The following TAS2R1 variants were observed in gnomAD, a reference collection of about 807,000 sequenced individuals.
TAS2R1 encodes the protein taste 2 receptor member 1.
For synonymous variants in TAS2R1, 141 were observed against 134.2 expected (o/e 1.05, Z -0.35); for missense variants, 370 against 353.4 (o/e 1.05, Z -0.38).
chr5:9,809,631 T>C, the TAS2R1 span, among the ~76,000 whole-genome samples: 3 of 152,196 alleles, frequency 2.0e-5, no homozygotes, highest in Non-Finnish European at 4.4e-5. Context: ...AGTCTGATAT[T>C]TTCTTGTAGC....
the TAS2R1 span, among the ~76,000 whole-genome samples, chr5:9,737,321 T>C: frequency 2.6e-5 from 4 of 152,340 alleles, no homozygotes; most frequent in East Asian, 7.7e-4. Flanking sequence ...CTAGCCACTT[T>C]GGCTCTATCA....
At chr5:9,717,679 G>C in the TAS2R1 span, among the ~76,000 whole-genome samples, 1 of 132,620 alleles carries the variant, frequency 7.5e-6, no homozygotes, top group African/African-American at 2.7e-5. Context: ...AAAATGTCAA[G>C]GAAAAGATGA....
chr5:9,757,125 C>CA, the TAS2R1 span, among the ~76,000 whole-genome samples: 2 of 152,146 alleles, frequency 1.3e-5, no homozygotes, highest in African/African-American at 4.8e-5. Context: ...ATAAACCCAT[C>CA]AAAAATGAAC....
At chr5:9,758,948 C>T in the TAS2R1 span, among the ~76,000 whole-genome samples, 119 of 152,154 alleles carry the variant, frequency 7.8e-4, no homozygotes, top group African/African-American at 2.7e-3. Context: ...CATGAAAAAA[C>T]GCTGATATTT....
chr5:9,694,560 T>G (rs1052011793), intron 1 of TAS2R1, among the ~76,000 whole-genome samples: 1 of 152,212 alleles, frequency 6.6e-6, no homozygotes, highest in African/African-American at 2.4e-5. Flanking sequence ...GGCCCATCAA[T>G]CTGTGAGAGA....
At chr5:9,657,209 T>C (rs1466565811) in intron 2 of TAS2R1, among the ~76,000 whole-genome samples, 4 of 152,180 alleles carry the variant, frequency 2.6e-5, no homozygotes, top group Admixed American at 1.3e-4. Flanking sequence ...CATTTTATGA[T>C]CCTGATATTT....
the TAS2R1 span, among the ~76,000 whole-genome samples, chr5:9,901,760 G>A: frequency 6.6e-6 from 1 of 152,142 alleles, no homozygotes; most frequent in Non-Finnish European, 1.5e-5. Context: ...AAGACTGGAA[G>A]TCAGATTGTT....
the TAS2R1 span, among the ~76,000 whole-genome samples, chr5:9,860,806 G>A: frequency 2.0e-5 from 3 of 152,186 alleles, no homozygotes; most frequent in African/African-American, 7.2e-5. Flanking sequence ...TCAGCCACTG[G>A]ATGGCTGCAG....
intron 2 of TAS2R1, among the ~76,000 whole-genome samples, chr5:9,647,531 T>G (rs1740215281): frequency 6.6e-6 from 1 of 152,014 alleles, no homozygotes; most frequent in African/African-American, 2.4e-5. Flanking sequence ...CCTCAAAATG[T>G]GAGAAAAGTA....
chr5:9,656,427 T>G (rs1740419991), intron 2 of TAS2R1, among the ~76,000 whole-genome samples: 1 of 152,224 alleles, frequency 6.6e-6, no homozygotes, highest in Non-Finnish European at 1.5e-5. Context: ...GATCTGCAGC[T>G]GGCCAGCTGG....
chr5:9,796,711 C>A, the TAS2R1 span, among the ~76,000 whole-genome samples: 9 of 97,316 alleles, frequency 9.2e-5, no homozygotes, highest in Admixed American at 5.5e-4. Flanking sequence ...CAGAAAATAG[C>A]TATTTTCTGG....
At chr5:9,787,680 G>A in the TAS2R1 span, among the ~76,000 whole-genome samples, 25 of 152,274 alleles carry the variant, frequency 1.6e-4, no homozygotes, top group African/African-American at 2.6e-4. Context: ...TAACATCTGC[G>A]TGCTAAGCAA....
chr5:9,636,293 C>T (rs200553817), intron 2 of TAS2R1, among the ~76,000 whole-genome samples: 12 of 151,848 alleles, frequency 7.9e-5, no homozygotes, highest in East Asian at 3.9e-4. Context: ...CACTGTAGTC[C>T]GAGAGTGTAC....
chr5:9,828,170 G>C, the TAS2R1 span, among the ~76,000 whole-genome samples: 1 of 151,612 alleles, frequency 6.6e-6, no homozygotes, highest in Non-Finnish European at 1.5e-5. Flanking sequence ...TTGTCACCTA[G>C]GCTGGAGTGC....
intron 1 of TAS2R1, among the ~76,000 whole-genome samples, chr5:9,694,403 A>C (rs899151801): frequency 2.0e-5 from 3 of 152,242 alleles, no homozygotes; most frequent in Non-Finnish European, 4.4e-5. Context: ...CAGAGCCCTG[A>C]AAAACATGTT....
At chr5:9,734,206 G>A in the TAS2R1 span, among the ~76,000 whole-genome samples, 1 of 152,240 alleles carries the variant, frequency 6.6e-6, no homozygotes, top group Non-Finnish European at 1.5e-5. Context: ...ACTAGACATG[G>A]CATCTGCTGG....
chr5:9,638,373 T>C (rs946435164), intron 2 of TAS2R1, among the ~76,000 whole-genome samples: 1 of 152,174 alleles, frequency 6.6e-6, no homozygotes, highest in African/African-American at 2.4e-5. Flanking sequence ...TGATTGTAGA[T>C]AGGTTTAGTT....
At chr5:9,853,748 T>G in the TAS2R1 span, among the ~76,000 whole-genome samples, 37 of 152,084 alleles carry the variant, frequency 2.4e-4, no homozygotes, top group African/African-American at 8.7e-4. Context: ...AACCACGCAG[T>G]GGCTCCTGAT....
the TAS2R1 span, among the ~76,000 whole-genome samples, chr5:9,841,557 C>G: frequency 6.6e-6 from 1 of 152,112 alleles, no homozygotes; most frequent in Admixed American, 6.6e-5. Context: ...CCATTTAACT[C>G]TGTTTTATAA....
Sources: allele counts gnomAD v4.1 joint callset (sites outside exome capture counted in the v4.1 genomes callset), GRCh38; gene constraint gnomAD v4.1.1; transcripts MANE v1.5; gene names NCBI Gene and HGNC (gene_info 2026-07-23, HGNC 2026-07-21).